The following KMT5A variants were observed in gnomAD, a reference collection of about 807,000 sequenced individuals.
KMT5A encodes N-lysine methyltransferase KMT5A.
A neutral mutation model predicts 40.6 loss-of-function variants in KMT5A; 6 were observed. The ratio of observed to expected loss-of-function variants is 0.15; its 90% confidence interval spans 0.08 to 0.29. The LOEUF (loss-of-function observed/expected upper bound fraction) is 0.29. Among genes scored for constraint, KMT5A ranks in the 10% least tolerant of loss-of-function variants. The probability of loss-of-function intolerance (pLI) is 1.00; values close to 1 mark genes in which losing one functional copy is unlikely to be tolerated. For synonymous variants in KMT5A, 153 were observed against 178.8 expected (o/e 0.86, Z 1.15); for missense variants, 308 against 459.1 (o/e 0.67, Z 3.01).
At position 123,384,879 on chromosome 12, in the gene KMT5A, C is replaced by CT. The variant is rs762247749; in HGVS notation, c.10+672dup. ...TTGTACAGCCCTGGGAGGCGATGCC[C>CT]TGTCTGAAGTCCTCTGCATACTTAG... On this transcript the variant is annotated intron_variant, in intron 1 of 7. Coordinates refer to ENST00000402868, the MANE Select transcript of KMT5A (RefSeq NM_020382.7). The surrounding 1 kb of genome is among the most constrained non-coding windows in gnomAD (Gnocchi z 5.7). Among the ~76,000 whole-genome samples, 4 of 152,202 alleles carry CT rather than the reference C, an allele frequency of 2.6e-5. No individual in the cohort carries two copies. Among genetic ancestry groups the CT allele is most frequent in the African/African-American group, 4.8e-5 (2 of 41,468 alleles).
In KMT5A at chr12:123,396,407, C is replaced by G. The variant is rs778734149; in HGVS notation, c.572C>G (p.Ser191Cys). The change falls in exon 5 of 8, where the codon TCC becomes TGC. Residue 191 changes from serine (S) to cysteine (C), a missense_variant. Physicochemically the swap from Ser to Cys is moderately radical, Grantham distance 112 (BLOSUM62 -1). This residue lies in a region of KMT5A where 77 missense variants were observed against 220.0 expected (regional missense o/e 0.35). Transcript: ENST00000402868. ...GATTTCTACCCTGTCCGAAGGAGCT[C>G]CAGGAAGAGCAAAGCCGAGCTGCAG... ...LTDFYPVRRS[S>C]RKSKAELQSE... is the part of the protein sequence containing the mutation. 24 of 1,613,934 alleles carry G rather than the reference C, an allele frequency of 1.5e-5. No homozygotes were observed. The South Asian group carries it at 2.6e-4, about 18-fold the overall frequency.
chr12:123,408,968 C>G lies in KMT5A; in HGVS notation c.*1265C>G, dbSNP rs1364751653. ...GAATAGGTGACTGCTTCCTCCCGCC[C>G]TTCACAGAACTGATTCTCACACACT... On this transcript the variant is annotated 3_prime_UTR_variant, in exon 8 of 8. Transcript: ENST00000402868. 1 of 152,662 alleles carries G rather than the reference C, an allele frequency of 6.6e-6. No homozygotes were observed. Among genetic ancestry groups the G allele is most frequent in the Non-Finnish European group, 1.5e-5 (1 of 68,048 alleles). The allele number at this position is 152,662 out of a possible 1,614,324, so 9.5% of individuals were successfully genotyped here.
At position 123,392,708 on chromosome 12, in the gene KMT5A, C is replaced by T. The variant is rs190897070; in HGVS notation, c.289+1922C>T. Among the ~76,000 whole-genome samples, 222 of 152,128 alleles carry T rather than the reference C, an allele frequency of 1.5e-3. 1 individual carries two copies. The highest frequency in any genetic ancestry group is 3.4e-3 in the Middle Eastern group (1 of 294). On this transcript the variant is annotated intron_variant, in intron 3 of 7. Transcript: ENST00000402868. ...ATTTAGGTCAGCTGGACTTTGGAGA[C>T]CCCAAGGTCCAGGCTGTGGTCCGTG...
intron 3 of KMT5A, chr12:123,391,023 C>G (rs1225483351): frequency 2.0e-6 from 1 of 496,570 alleles, no homozygotes; most frequent in African/African-American, 1.9e-5. Context: ...GCTTGATTGT[C>G]TTGCTTAGTT....
chr12:123,401,002 C>T (rs1306420943), intron 5 of KMT5A, among the ~76,000 whole-genome samples: 1 of 151,288 alleles, frequency 6.6e-6, no homozygotes, highest in Non-Finnish European at 1.5e-5. Flanking sequence ...GTCATGTTGG[C>T]CAGGCTGGTC....
chr12:123,408,512 A>AC lies in KMT5A; in HGVS notation c.*811dup, dbSNP rs1013058793. The AC allele has an allele frequency of 6.6e-6, 1 of 150,892 alleles. No individual in the cohort carries two copies. Among genetic ancestry groups the AC allele is most frequent in the African/African-American group, 2.4e-5 (1 of 41,076 alleles). 9.3% of individuals were successfully genotyped at this position (150,892 alleles called of 1,614,324 possible). ...TTTAAAAAAATTAAAAATAAAAAAA[A>AC]CCACAGAAAACAACTTTACATGTAT... is the stretch of plus-strand genomic sequence containing the variant. On this transcript the variant is annotated 3_prime_UTR_variant, in exon 8 of 8. Transcript: ENST00000402868.
chr12:123,404,204 C>A (rs185790660), intron 6 of KMT5A, among the ~76,000 whole-genome samples: 12 of 152,210 alleles, frequency 7.9e-5, no homozygotes, highest in African/African-American at 2.9e-4. Context: ...TTTTCTCTTA[C>A]TGTATTTCAA....
intron 4 of KMT5A, 80 bp downstream of exon 4, chr12:123,395,346 A>AT: frequency 7.0e-7 from 1 of 1,436,502 alleles, no homozygotes; most frequent in Non-Finnish European, 9.5e-7. Context: ...TCAGGTGCCC[A>AT]TGGGGGTTCA....
chr12:123,405,170 CTT>C, intron 7 of KMT5A, 96 bp downstream of exon 7: 1 of 1,257,454 alleles, frequency 8.0e-7, no homozygotes, highest in South Asian at 1.6e-5. Flanking sequence ...GGTGGCCAGT[CTT>C]TTGGTTTTGT....
intron 1 of KMT5A, chr12:123,388,862 G>GCGCCCGCC (rs945678812): frequency 1.3e-5 from 2 of 148,428 alleles, no homozygotes; most frequent in South Asian, 2.1e-4. Context: ...GGGATTCGCC[G>GCGCCCGCC]CGCCCGCCCG....
intron 1 of KMT5A, 39 bp from the exon 2 acceptor site, chr12:123,389,394 G>A: frequency 9.7e-7 from 1 of 1,032,830 alleles, no homozygotes; most frequent in South Asian, 4.4e-5. Context: ...CGCGCCCTGA[G>A]CGCCCCCTCC....
rs1876751085 is a variant in KMT5A at position 123,384,546 on chromosome 12, T to C, written c.10+338T>C. Among the ~76,000 whole-genome samples, 1 of 152,222 alleles carries C rather than the reference T, an allele frequency of 6.6e-6. No homozygotes were observed. The highest frequency in any genetic ancestry group is 2.4e-5 in the African/African-American group (1 of 41,462). ...ACCTCCAGGGAATAGGTGTTATTGA[T>C]AGAAGTGGGGCGGGGGCAGGAGTGA... On this transcript the variant is annotated intron_variant, in intron 1 of 7. Transcript: ENST00000402868. The surrounding 1 kb of genome is among the most constrained non-coding windows in gnomAD (Gnocchi z 5.7).
At chr12:123,401,608 G>T (rs1878185363) in intron 5 of KMT5A, among the ~76,000 whole-genome samples, 1 of 151,658 alleles carries the variant, frequency 6.6e-6, no homozygotes, top group Non-Finnish European at 1.5e-5. Flanking sequence ...TTGAGATGGA[G>T]TCTTGCTCTG....
chr12:123,387,396 G>A (rs1281124273), intron 1 of KMT5A, among the ~76,000 whole-genome samples: 4 of 152,194 alleles, frequency 2.6e-5, no homozygotes, highest in Non-Finnish European at 5.9e-5. Context: ...TGATCTATGT[G>A]GGTGCTTCCT....
intron 2 of KMT5A, among the ~76,000 whole-genome samples, 161 bp downstream of exon 2, chr12:123,389,715 G>A (rs1407046612): frequency 6.6e-6 from 1 of 152,018 alleles, no homozygotes; most frequent in Non-Finnish European, 1.5e-5. Flanking sequence ...CATGAGCCTG[G>A]CGGTGTTTGA....
At chr12:123,398,658 G>A (rs1877925708) in intron 5 of KMT5A, among the ~76,000 whole-genome samples, 1 of 152,248 alleles carries the variant, frequency 6.6e-6, no homozygotes, top group Non-Finnish European at 1.5e-5. Flanking sequence ...TCTGCTGAGT[G>A]CAGCCATGCA....
At chr12:123,390,495 G>A (rs763538071) in intron 2 of KMT5A, 135 bp from the exon 3 acceptor site, 8 of 1,052,066 alleles carry the variant, frequency 7.6e-6, no homozygotes, top group Non-Finnish European at 1.1e-5. Flanking sequence ...AGACAATGGG[G>A]GCTGGCATCC....
intron 2 of KMT5A, 25 bp downstream of exon 2, chr12:123,389,579 C>T (rs1877120224): frequency 9.3e-7 from 1 of 1,074,760 alleles, no homozygotes. Flanking sequence ...TCCCCGCACC[C>T]CTGCGGCGCG....
intron 3 of KMT5A, 116 bp from the exon 4 acceptor site, chr12:123,394,931 T>TG (rs1877579383): frequency 1.0e-6 from 1 of 978,658 alleles, no homozygotes; most frequent in South Asian, 1.6e-5. Context: ...AGGGCACTCC[T>TG]GCCTGACAAA....
Sources: gnomAD v4.1 joint callset for allele counts (sites outside exome capture counted in the v4.1 genomes callset) on GRCh38, gnomAD v4.1.1 for gene constraint, gnomAD v4.1.1 regional missense constraint, Gnocchi (gnomAD v3.1) non-coding constraint, MANE v1.5 for transcripts, NCBI Gene and HGNC (gene_info 2026-07-23, HGNC 2026-07-21) for gene names.